Variants in PSG9 observed in about 807,000 individuals in gnomAD.
PSG9 encodes pregnancy-specific beta-1-glycoprotein 9.
PSG9 carries 49 observed loss-of-function variants against 41.9 expected under a neutral mutation model. The observed-to-expected ratio is 1.17, with a 90% confidence interval of 0.93 to 1.48. The LOEUF is 1.48. Among genes scored for constraint, PSG9 ranks in the 40% most tolerant of loss-of-function variants. The pLI is 0.00. For missense variants in PSG9, 641 were observed against 520.3 expected (o/e 1.23, Z -2.26); for synonymous variants, 263 against 196.8 (o/e 1.34, Z -2.82).
intron 1 of PSG9, 95 bp downstream of exon 1, chr19:43,269,273 G>A: frequency 1.3e-6 from 2 of 1,592,724 alleles, no homozygotes; most frequent in Non-Finnish European, 1.7e-6. Context: ...CTAAGAGCTG[G>A]CTTCTTTTAT....
At chr19:43,265,163 T>G (rs780627194) in intron 2 of PSG9, among the ~76,000 whole-genome samples, 6 of 152,154 alleles carry the variant, frequency 3.9e-5, no homozygotes, top group Non-Finnish European at 7.4e-5. Flanking sequence ...AGTTCCTCCA[T>G]AAAACTAACA....
At position 43,267,769 on chromosome 19, in the gene PSG9, T is replaced by C. The variant is rs1171496378; in HGVS notation, c.430+15A>G. The C allele has an allele frequency of 5.6e-6, 9 of 1,612,620 alleles. No homozygotes were observed. The highest frequency in any genetic ancestry group is 6.8e-6 in the Non-Finnish European group (8 of 1,179,150). ...CCTTCCCCCCAACACCCAGGGATCA[T>C]GTGGAATCACTCACAGTATAAGGTG... On this transcript the variant is annotated intron_variant, in intron 2 of 5. Transcript: ENST00000270077.
Position 43,260,305 on chromosome 19 carries a change from A to G in PSG9, c.710-1170T>C, listed in dbSNP as rs1968649727. On this transcript the variant is annotated intron_variant, in intron 3 of 5. Transcript: ENST00000270077. Reference sequence around the variant, plus strand: ...CACACAGATTGAGTATTTCTTATGCATAAGTCTTAGGACAAAAAGTGTTTT... The same window carrying G: ...CACACAGATTGAGTATTTCTTATGCGTAAGTCTTAGGACAAAAAGTGTTTT... 2 of 146,924 alleles carry G rather than the reference A, an allele frequency of 1.4e-5. 1 individual carries two copies. Among genetic ancestry groups the G allele is most frequent in the Admixed American group, 1.4e-4 (2 of 14,758 alleles). The allele number at this position is 146,924 out of a possible 1,614,324, so 9.1% of individuals were successfully genotyped here.
In PSG9 at chr19:43,268,261, C is replaced by T. The variant is rs1355026011; in HGVS notation, c.65-112G>A. On this transcript the variant is annotated intron_variant, in intron 1 of 5. Transcript: ENST00000270077. The stretch of plus-strand genomic sequence containing the variant: ...CCATCCTCAGCCTTGAAGATACACA[C>T]ACGCACACATACAAACAAACACACA... 1.2e-5 allele frequency: 17 copies of T among 1,386,652 alleles called. 1 individual carries two copies. Among genetic ancestry groups the T allele is most frequent in the African/African-American group, 2.9e-5 (2 of 68,240 alleles). 85.9% of individuals were successfully genotyped at this position (1,386,652 alleles called of 1,614,324 possible).
Position 43,256,693 on chromosome 19 carries a change from C to T in PSG9, c.1243+1509G>A, listed in dbSNP as rs893971395. ...TGATAAACAACAACAATGACAACAACACAAAACAACAGGTGTTTGCAAGTA... is the reference window on the plus strand; with the variant it reads ...TGATAAACAACAACAATGACAACAATACAAAACAACAGGTGTTTGCAAGTA... On this transcript the variant is annotated intron_variant, in intron 5 of 5. Transcript: ENST00000270077. 3.4e-5 allele frequency among the ~76,000 whole-genome samples: 5 copies of T among 146,646 alleles called. 1 individual carries two copies. The highest frequency in any genetic ancestry group is 3.4e-4 in the Admixed American group (5 of 14,726).
chr19:43,259,173 A>T (rs1340878945), intron 3 of PSG9, 38 bp from the exon 4 acceptor site: 2 of 1,578,676 alleles, frequency 1.3e-6, no homozygotes, highest in Middle Eastern at 2.2e-4. Flanking sequence ...CCTGTGTGGC[A>T]CCTTTGATTC....
chr19:43,256,245 C>T (rs1292397296), intron 5 of PSG9, among the ~76,000 whole-genome samples: 1 of 146,572 alleles, frequency 6.8e-6, no homozygotes, highest in Admixed American at 6.8e-5. Flanking sequence ...AGAAAAACTA[C>T]ACAACTCTTA....
In PSG9 at chr19:43,259,894, C is replaced by A. The variant is rs1199088768; in HGVS notation, c.710-759G>T. On this transcript the variant is annotated intron_variant, in intron 3 of 5. Coordinates refer to ENST00000270077, the MANE Select transcript of PSG9 (RefSeq NM_002784.5). ...TGGGTTCTTTAAGTTTCCTCTCCTT[C>A]TGCAGAGGGCAGAGGAGGACCATGT... 7 of 147,152 alleles carry A rather than the reference C, an allele frequency of 4.8e-5. 3 individuals are homozygous for A. The East Asian group carries it at 1.2e-3, about 25-fold the overall frequency. The allele number at this position is 147,152 out of a possible 1,614,324, so 9.1% of individuals were successfully genotyped here. A position where few individuals can be genotyped will look rare whatever the true frequency, so the allele number is the denominator to read the frequency against.
In PSG9 at chr19:43,253,591, G is replaced by T. The variant is rs1968344307; in HGVS notation, c.*18C>A. ...AGGTATCAGCCTGTTCTTTTTCTCA[G>T]TGTCTCAGTTGTTGCAGTCATGACT... On this transcript the variant is annotated 3_prime_UTR_variant, in exon 6 of 6. Coordinates refer to ENST00000270077, the MANE Select transcript of PSG9 (RefSeq NM_002784.5). The T allele has an allele frequency of 3.9e-6, 3 of 768,936 alleles. No homozygotes were observed. Among genetic ancestry groups the T allele is most frequent in the African/African-American group, 1.9e-5 (1 of 53,494 alleles). 47.6% of individuals were successfully genotyped at this position (768,936 alleles called of 1,614,324 possible). A position where few individuals can be genotyped will look rare whatever the true frequency, so the allele number is the denominator to read the frequency against.
chr19:43,263,913 C>G (rs1968844826), intron 2 of PSG9, among the ~76,000 whole-genome samples: 1 of 152,154 alleles, frequency 6.6e-6, no homozygotes, highest in Admixed American at 6.5e-5. Flanking sequence ...ATAGAAAGAA[C>G]TCCCTGCTTC....
chr19:43,261,738 A>T, intron 3 of PSG9, 122 bp downstream of exon 3: 1 of 1,609,360 alleles, frequency 6.2e-7, no homozygotes, highest in African/African-American at 1.3e-5. Context: ...AGTCATGGCC[A>T]GCTTTGATGT....
intron 5 of PSG9, among the ~76,000 whole-genome samples, chr19:43,255,660 C>A (rs1968419918): frequency 6.8e-6 from 1 of 146,426 alleles, no homozygotes; most frequent in South Asian, 2.2e-4. Context: ...AGTAATGTTG[C>A]ACAATACAAA....
rs750751699 is a variant in PSG9, at chr19:43,258,098, C to A, written c.1243+104G>T. 14 of 1,589,820 alleles carry A rather than the reference C, an allele frequency of 8.8e-6. 1 individual carries two copies. The highest frequency in any genetic ancestry group is 1.4e-5 in the African/African-American group (1 of 70,428). On this transcript the variant is annotated intron_variant, in intron 5 of 5. Coordinates refer to ENST00000270077, the MANE Select transcript of PSG9 (RefSeq NM_002784.5). ...GGAGAATTTGGGATTTGCTTGTGCCCATGGGACACAGGCTGGGAATAAAAA... is the reference window on the plus strand; with the variant it reads ...GGAGAATTTGGGATTTGCTTGTGCCAATGGGACACAGGCTGGGAATAAAAA...
chr19:43,255,937 A>AG (rs1376166391), intron 5 of PSG9, among the ~76,000 whole-genome samples: 7 of 146,636 alleles, frequency 4.8e-5, no homozygotes, highest in African/African-American at 1.8e-4. Context: ...ACCCAAAGTG[A>AG]CTGCAGATTC....
intron 3 of PSG9, chr19:43,260,525 G>C (rs1968661689): frequency 6.8e-6 from 1 of 147,138 alleles, no homozygotes; most frequent in South Asian, 2.2e-4. Context: ...TTTCTAGCTT[G>C]ATGATTAGTT....
In PSG9 at chr19:43,257,459, C is replaced by T. The variant is rs1968484690; in HGVS notation, c.1243+743G>A. On this transcript the variant is annotated intron_variant, in intron 5 of 5. Coordinates refer to ENST00000270077, the MANE Select transcript of PSG9 (RefSeq NM_002784.5). ...CCTATTCCTCCAGCTCTGCATCAGT[C>T]ACTGTCCTCCGTGCTGTGTCCCACG... 4.1e-6 allele frequency: 4 copies of T among 977,194 alleles called. No individual in the cohort carries two copies. The Middle Eastern group carries it at 1.6e-3, about 383-fold the overall frequency. The allele number at this position is 977,194 out of a possible 1,614,324, so 60.5% of individuals were successfully genotyped here.
At position 43,258,363 on chromosome 19, in the gene PSG9, G is replaced by T. The variant is rs201101690; in HGVS notation, c.1082C>A (p.Pro361Gln). Residue 361 changes from proline to glutamine, a missense_variant, in exon 5 of 6, where the codon CCG becomes CAG. Coordinates refer to ENST00000270077, the MANE Select transcript of PSG9 (RefSeq NM_002784.5). ...ATTAATTGTCCAAAAATACTCTGCCGGTGGGTTAGATTCCGTGAAGCAGGA... is the reference window on the plus strand; with the variant it reads ...ATTAATTGTCCAAAAATACTCTGCCTGTGGGTTAGATTCCGTGAAGCAGGA... ...DLSCFTESNP[P>Q]AEYFWTINGK... 3.8e-6 allele frequency: 6 copies of T among 1,592,808 alleles called. No homozygotes were observed. Among genetic ancestry groups the T allele is most frequent in the Non-Finnish European group, 5.1e-6 (6 of 1,174,592 alleles).
At chr19:43,255,940 G>A (rs964187372) in intron 5 of PSG9, among the ~76,000 whole-genome samples, 4 of 146,316 alleles carry the variant, frequency 2.7e-5, no homozygotes, top group African/African-American at 7.8e-5. Context: ...CAAAGTGACT[G>A]CAGATTCAAT....
At chr19:43,267,130 A>G (rs546705064) in intron 2 of PSG9, among the ~76,000 whole-genome samples, 1 of 152,090 alleles carries the variant, frequency 6.6e-6, no homozygotes, top group Non-Finnish European at 1.5e-5. Context: ...GGACTGTCCT[A>G]AGCCTCCCAA....
Sources: gnomAD v4.1 joint callset for allele counts (sites outside exome capture counted in the v4.1 genomes callset) on GRCh38, gnomAD v4.1.1 for gene constraint, MANE v1.5 for transcripts, NCBI Gene and HGNC (gene_info 2026-07-23, HGNC 2026-07-21) for gene names.